SAMD4A: variants seen among roughly 807,000 people sequenced by gnomAD.
SAMD4A encodes the protein protein Smaug homolog 1.
SAMD4A carries 33 observed loss-of-function variants against 81.3 expected under a neutral mutation model. The ratio of observed to expected loss-of-function variants is 0.41; its 90% CI spans 0.31 to 0.54. SAMD4A has a LOEUF of 0.54. SAMD4A is among the 20% of genes least tolerant of loss of function. The probability of loss-of-function intolerance (pLI) is 0.37; values close to 1 mark genes in which losing one functional copy is unlikely to be tolerated. For synonymous variants in SAMD4A, 389 were observed against 382.1 expected (o/e 1.02, Z -0.21); for missense variants, 854 against 951.1 (o/e 0.90, Z 1.34).
intron 3 of SAMD4A, among the ~76,000 whole-genome samples, chr14:54,735,986 A>G (rs1304023224): frequency 6.6e-6 from 1 of 152,248 alleles, no homozygotes; most frequent in Admixed American, 6.5e-5. Flanking sequence ...ATTCCGTGTT[A>G]GTACAGCAGC....
chr14:54,637,483 A>T (rs934801349), intron 2 of SAMD4A, among the ~76,000 whole-genome samples: 1 of 151,842 alleles, frequency 6.6e-6, no homozygotes, highest in African/African-American at 2.4e-5. Flanking sequence ...TCTAGAAGCC[A>T]GGTGAAGAAG....
At chr14:54,687,700 C>G (rs2036312586) in intron 2 of SAMD4A, among the ~76,000 whole-genome samples, 1 of 152,184 alleles carries the variant, frequency 6.6e-6, no homozygotes, top group African/African-American at 2.4e-5. Context: ...CAGGGCATTA[C>G]TGCATGATTT....
chr14:54,675,717 G>C (rs1196529449), intron 2 of SAMD4A, among the ~76,000 whole-genome samples: 1 of 152,204 alleles, frequency 6.6e-6, no homozygotes, highest in African/African-American at 2.4e-5. Flanking sequence ...TACCAACACA[G>C]TATGTGCTCA....
At chr14:54,668,023 G>A (rs986502656) in intron 2 of SAMD4A, among the ~76,000 whole-genome samples, 2 of 152,168 alleles carry the variant, frequency 1.3e-5, no homozygotes, top group African/African-American at 4.8e-5. Context: ...GCTGCCACCA[G>A]ATGCATCTCC....
chr14:54,674,314 G>A (rs552157953), intron 2 of SAMD4A, among the ~76,000 whole-genome samples: 3 of 152,282 alleles, frequency 2.0e-5, no homozygotes, highest in South Asian at 4.1e-4. Flanking sequence ...CCTTTAAGTT[G>A]CTTTTTGCTT....
At chr14:54,728,193 G>C (rs2037473931) in intron 3 of SAMD4A, among the ~76,000 whole-genome samples, 1 of 152,146 alleles carries the variant, frequency 6.6e-6, no homozygotes, top group Admixed American at 6.5e-5. Context: ...CTGTTTCTCT[G>C]GGGCAGAGAA....
In SAMD4A at chr14:54,578,680, C is replaced by G. The variant is rs972069807; in HGVS notation, c.196+10568C>G. Among the ~76,000 whole-genome samples, 3 of 151,644 alleles carry G rather than the reference C, an allele frequency of 2.0e-5. No individual in the cohort carries two copies. The South Asian group carries it at 6.3e-4, about 32-fold the overall frequency. On this transcript the variant is annotated intron_variant, in intron 2 of 12. Transcript: ENST00000554335. ...TAAGCCGAGATCGCACCACTGCACT[C>G]CAGCCTGGGTGACAGAGCGAGACTC...
chr14:54,774,956 T>C lies in SAMD4A; in HGVS notation c.1738T>C (p.Ser580Pro). 1.2e-6 allele frequency: 2 copies of C among 1,614,084 alleles called. No homozygotes were observed. The highest frequency in any genetic ancestry group is 1.7e-6 in the Non-Finnish European group (2 of 1,180,030). ...QRNRGFGQSN[S>P]LPTAGSVGGG... Reference sequence around the variant, plus strand: ...CAGTCGAGGCTTTGGGCAATCCAACTCCCTCCCGACGGCTGGCTCTGTGGG... The same window carrying C: ...CAGTCGAGGCTTTGGGCAATCCAACCCCCTCCCGACGGCTGGCTCTGTGGG... The change falls in exon 10 of 13, where the codon TCC becomes CCC. Residue 580 changes from serine to proline, a missense_variant. Ser to Pro is a moderately conservative substitution (Grantham distance 74). Coordinates refer to ENST00000554335, the MANE Select transcript of SAMD4A (RefSeq NM_015589.6).
chr14:54,605,619 A>G (rs531315131), intron 2 of SAMD4A, among the ~76,000 whole-genome samples: 2 of 152,278 alleles, frequency 1.3e-5, no homozygotes, highest in Admixed American at 6.5e-5. Flanking sequence ...CCATCCTGCT[A>G]AAGGTTTGAG....
rs76611759 is a variant in SAMD4A, at chr14:54,762,879, G to A, written c.1511-1576G>A. 4.2e-3 allele frequency among the ~76,000 whole-genome samples: 626 copies of A among 149,406 alleles called. 26 individuals carry two copies. In the East Asian group the frequency reaches 0.092, roughly 22 times the overall value. On this transcript the variant is annotated intron_variant, in intron 7 of 12. Transcript: ENST00000554335. ...TTCACTTTTTTTTTTTTTTGAGATG[G>A]AGTCTCGCTCTGTCACGCAGGCTGG...
At chr14:54,776,366 C>T in intron 10 of SAMD4A, 48 bp from the exon 11 acceptor site, 1 of 1,558,934 alleles carries the variant, frequency 6.4e-7, no homozygotes, top group Non-Finnish European at 8.6e-7. Context: ...CTGCTCTCCA[C>T]CCCAGTGGGG....
chr14:54,701,564 C>G (rs1594831667), intron 2 of SAMD4A, among the ~76,000 whole-genome samples: 2 of 152,218 alleles, frequency 1.3e-5, no homozygotes, highest in African/African-American at 4.8e-5. Context: ...CAAATTTCTC[C>G]ATCTAGGAAG....
Position 54,680,819 on chromosome 14 carries a change from A to G in SAMD4A, c.197-21243A>G, listed in dbSNP as rs552222425. Reference sequence around the variant, plus strand: ...GTAAGAGTGTTGTTATTGTTAGATAATCATAATGGTATGTTCTGGAGTCTC... The same window carrying G: ...GTAAGAGTGTTGTTATTGTTAGATAGTCATAATGGTATGTTCTGGAGTCTC... On this transcript the variant is annotated intron_variant, in intron 2 of 12. Coordinates refer to ENST00000554335, the MANE Select transcript of SAMD4A (RefSeq NM_015589.6). 7.9e-5 allele frequency among the ~76,000 whole-genome samples: 12 copies of G among 152,264 alleles called. No individual in the cohort carries two copies. In the East Asian group the frequency reaches 2.1e-3, roughly 27 times the overall value.
At chr14:54,677,031 T>C (rs903528183) in intron 2 of SAMD4A, among the ~76,000 whole-genome samples, 1 of 152,250 alleles carries the variant, frequency 6.6e-6, no homozygotes, top group Non-Finnish European at 1.5e-5. Context: ...TCTGGCCATG[T>C]GTTTCCGTCG....
chr14:54,716,977 A>G (rs1443811592), intron 3 of SAMD4A, among the ~76,000 whole-genome samples: 1 of 152,134 alleles, frequency 6.6e-6, no homozygotes, highest in African/African-American at 2.4e-5. Context: ...GAGGAGAGAC[A>G]TTGACATGAT....
Position 54,792,621 on chromosome 14 carries a change from G to C in SAMD4A, c.*3677G>C, listed in dbSNP as rs2039278779. On this transcript the variant is annotated 3_prime_UTR_variant, in exon 13 of 13. Coordinates refer to ENST00000554335, the MANE Select transcript of SAMD4A (RefSeq NM_015589.6). ...CAGCTTGGGCCTGGGGAAGCAGCCT[G>C]ACCAAGGCGCTCAGGTGTGCCTGTT... 1 of 152,174 alleles carries C rather than the reference G, an allele frequency of 6.6e-6. No individual in the cohort carries two copies. The highest frequency in any genetic ancestry group is 2.4e-5 in the African/African-American group (1 of 41,440). The allele number at this position is 152,174 out of a possible 1,614,324, so 9.4% of individuals were successfully genotyped here.
rs148859302 is a variant in SAMD4A, at chr14:54,680,456, A to G, written c.197-21606A>G. On this transcript the variant is annotated intron_variant, in intron 2 of 12. Transcript: ENST00000554335. ...AGTAGATGATGTTTAGGGTTGCAAT[A>G]TGGGTATTGGGGCTATTCTTTTCCT... Among the ~76,000 whole-genome samples the G allele has an allele frequency of 6.0e-4, 91 of 152,304 alleles. No individual in the cohort carries two copies. In the South Asian group the frequency reaches 0.012, roughly 20 times the overall value.
At chr14:54,724,034 AAGGAAGGAAGGAAGGAATAATGC>A (rs951740984) in intron 3 of SAMD4A, among the ~76,000 whole-genome samples, 1 of 151,734 alleles carries the variant, frequency 6.6e-6, no homozygotes, top group African/African-American at 2.4e-5. Context: ...GGAAGGAAGG[AAGGAAGGAAGGAAGGAATAATGC>A]AGGACGCATC....
intron 2 of SAMD4A, among the ~76,000 whole-genome samples, chr14:54,679,309 C>G (rs993055112): frequency 2.6e-5 from 4 of 152,224 alleles, no homozygotes; most frequent in African/African-American, 9.7e-5. Flanking sequence ...CCACTTGATT[C>G]TGATCCTGGC....
Sources: allele counts gnomAD v4.1 joint callset (sites outside exome capture counted in the v4.1 genomes callset), GRCh38; gene constraint gnomAD v4.1.1; transcripts MANE v1.5; gene names NCBI Gene and HGNC (gene_info 2026-07-23, HGNC 2026-07-21).